Variants in DSCAM observed in about 807,000 individuals in gnomAD.
DSCAM encodes the protein cell adhesion molecule DSCAM.
DSCAM carries 47 observed loss-of-function variants against 217.7 expected under a neutral mutation model. The observed-to-expected ratio is 0.22, with a 90% CI of 0.17 to 0.28. The LOEUF is 0.28. Among genes scored for constraint, DSCAM ranks in the 10% least tolerant of loss-of-function variants. The probability of loss-of-function intolerance (pLI) is 1.00; values close to 1 mark genes in which losing one functional copy is unlikely to be tolerated. For missense variants in DSCAM, 2,080 were observed against 2,618.3 expected, an observed-to-expected ratio of 0.79 and a Z score of 4.49; for synonymous variants, 1,056 against 1,015.3, an observed-to-expected ratio of 1.04 and a Z score of -0.76.
chr21:40,038,928 A>G (rs2088685447), intron 32 of DSCAM, among the ~76,000 whole-genome samples: 1 of 149,634 alleles, frequency 6.7e-6, no homozygotes, highest in South Asian at 2.2e-4. Context: ...CAAAAAACCA[A>G]ACGCCGCATA....
intron 20 of DSCAM, among the ~76,000 whole-genome samples, chr21:40,115,080 T>C (rs1336517136): frequency 2.0e-5 from 3 of 152,048 alleles, no homozygotes; most frequent in Non-Finnish European, 4.4e-5. Flanking sequence ...ACCCAAAGGA[T>C]TATAAAACAT....
intron 23 of DSCAM, among the ~76,000 whole-genome samples, chr21:40,084,586 GA>G (rs1207926545): frequency 6.7e-6 from 1 of 148,974 alleles, no homozygotes; most frequent in African/African-American, 2.5e-5. Flanking sequence ...TTGAACTGCA[GA>G]ATATGAACTG....
intron 3 of DSCAM, among the ~76,000 whole-genome samples, chr21:40,487,450 G>C (rs958914635): frequency 4.6e-5 from 7 of 152,024 alleles, no homozygotes; most frequent in Non-Finnish European, 8.8e-5. Context: ...AGGCAGGCTT[G>C]GGTGTTGCAT....
intron 22 of DSCAM, 59 bp downstream of exon 22, chr21:40,087,111 G>GT (rs2089543066): frequency 7.9e-6 from 10 of 1,271,692 alleles, no homozygotes; most frequent in Non-Finnish European, 1.2e-5. Context: ...CACAACCTGA[G>GT]TATGTCAGAT....
chr21:40,322,582 T>C (rs1302424812), intron 8 of DSCAM, among the ~76,000 whole-genome samples: 1 of 151,800 alleles, frequency 6.6e-6, no homozygotes, highest in African/African-American at 2.4e-5. Flanking sequence ...TGGAGTGCAG[T>C]GGCATGATCT....
intron 32 of DSCAM, among the ~76,000 whole-genome samples, chr21:40,028,350 G>A (rs902126570): frequency 8.3e-5 from 11 of 132,798 alleles, no homozygotes; most frequent in Non-Finnish European, 1.4e-4. Flanking sequence ...AGGCAGGCAG[G>A]CCTCCTTGAG....
chr21:40,598,477 T>C (rs994999945), intron 3 of DSCAM, among the ~76,000 whole-genome samples: 12 of 151,830 alleles, frequency 7.9e-5, no homozygotes, highest in African/African-American at 2.7e-4. Context: ...TATGTTTAGT[T>C]TGTAAGAAAC....
intron 5 of DSCAM, 124 bp downstream of exon 5, chr21:40,353,341 T>C (rs1185468329): frequency 7.6e-7 from 1 of 1,308,640 alleles, no homozygotes; most frequent in Non-Finnish European, 1.0e-6. Context: ...AGGTTTCTGT[T>C]GATCTCAGCT....
intron 3 of DSCAM, among the ~76,000 whole-genome samples, chr21:40,508,111 G>T (rs959639563): frequency 2.6e-5 from 4 of 152,140 alleles, no homozygotes; most frequent in African/African-American, 9.7e-5. Flanking sequence ...CGCAGTGTGG[G>T]TCCCAGCAGA....
chr21:40,824,403 A>ATTTTTT lies in DSCAM; in HGVS notation c.43+22210_43+22215dup, dbSNP rs536114434. On this transcript the variant is annotated intron_variant, in intron 1 of 32. Transcript: ENST00000400454. ...GCTCCCTATCCCATTTTTATTATTG[A>ATTTTTT]TTTTTTTTTTTTTTTTTGGAGACAG... Among the ~76,000 whole-genome samples, 101 of 121,008 alleles carry ATTTTTT rather than the reference A, an allele frequency of 8.3e-4. 4 individuals are homozygous for ATTTTTT. The highest frequency in any genetic ancestry group is 3.2e-3 in the African/African-American group (93 of 28,728). The allele number at this position is 121,008 out of a possible 152,430, so 79.4% of individuals were successfully genotyped here.
At chr21:40,415,072 AAAAAAAGACCTGGAATTTGATTTGG>A (rs1484129162) in intron 3 of DSCAM, among the ~76,000 whole-genome samples, 1 of 152,294 alleles carries the variant, frequency 6.6e-6, no homozygotes, top group Admixed American at 6.5e-5. Flanking sequence ...AAAGCCTGAG[AAAAAAAGACCTGGAATTTGATTTGG>A]ACGTTTTTCA....
At chr21:40,091,706 A>G (rs1430473477) in intron 21 of DSCAM, among the ~76,000 whole-genome samples, 1 of 152,158 alleles carries the variant, frequency 6.6e-6, no homozygotes, top group Non-Finnish European at 1.5e-5. Context: ...ACAGTGCCAC[A>G]TGGCTGGGGA....
rs2077008837 is a variant in DSCAM, at chr21:40,594,752, T to C, written c.508+98058A>G. Among the ~76,000 whole-genome samples, 5 of 152,226 alleles carry C rather than the reference T, an allele frequency of 3.3e-5. No homozygotes were observed. In the South Asian group the frequency reaches 1.0e-3, roughly 32 times the overall value. On this transcript the variant is annotated intron_variant, in intron 3 of 32. Coordinates refer to ENST00000400454, the MANE Select transcript of DSCAM (RefSeq NM_001389.5). The stretch of plus-strand genomic sequence containing the variant: ...ACTTGACTGTCTACAGTAACAGATG[T>C]GGGCTCTCAACTGGGTCCAGCAAAT...
chr21:40,477,872 T>C (rs1383601964), intron 3 of DSCAM, among the ~76,000 whole-genome samples: 1 of 152,188 alleles, frequency 6.6e-6, no homozygotes, highest in Non-Finnish European at 1.5e-5. Context: ...AAGTGTAATA[T>C]ACCTAGAGAA....
chr21:40,495,180 C>T (rs906724242), intron 3 of DSCAM, among the ~76,000 whole-genome samples: 12 of 151,952 alleles, frequency 7.9e-5, no homozygotes, highest in Non-Finnish European at 1.6e-4. Flanking sequence ...CCTAATCTTC[C>T]CCAAATTATT....
At chr21:40,086,959 A>G (rs908999773) in intron 22 of DSCAM, among the ~76,000 whole-genome samples, 72 of 152,244 alleles carry the variant, frequency 4.7e-4, no homozygotes, top group African/African-American at 1.7e-3. Flanking sequence ...AAGGCTCTGA[A>G]TTAACAGAGG....
chr21:40,345,678 A>G (rs1028141389), intron 6 of DSCAM, among the ~76,000 whole-genome samples: 4 of 152,136 alleles, frequency 2.6e-5, no homozygotes, highest in Non-Finnish European at 4.4e-5. Context: ...ACTTTAATCC[A>G]TCGCTATTTC....
chr21:40,033,094 G>A (rs924715590), intron 32 of DSCAM, among the ~76,000 whole-genome samples: 4 of 152,180 alleles, frequency 2.6e-5, no homozygotes, highest in African/African-American at 9.7e-5. Flanking sequence ...TTTCAGTGGT[G>A]AGATACCTCA....
chr21:40,465,105 G>T (rs188564311), intron 3 of DSCAM, among the ~76,000 whole-genome samples: 142 of 152,110 alleles, frequency 9.3e-4, no homozygotes, highest in Non-Finnish European at 3.5e-4. Context: ...AAAGTGGCTC[G>T]TCTTTGCACT....
Sources: gnomAD v4.1 joint callset for allele counts (sites outside exome capture counted in the v4.1 genomes callset) on GRCh38, gnomAD v4.1.1 for gene constraint, MANE v1.5 for transcripts, NCBI Gene and HGNC (gene_info 2026-07-23, HGNC 2026-07-21) for gene names.